Variants in AKAP6 observed in about 807,000 individuals in gnomAD.
AKAP6 encodes the protein A-kinase anchor protein 6.
Under a neutral mutation model 188.5 loss-of-function variants are expected in AKAP6, and 58 were observed. That is an observed-to-expected ratio of 0.31 (90% CI 0.25 to 0.38). AKAP6 has a LOEUF of 0.38. AKAP6 is among the 10% of genes least tolerant of loss of function. AKAP6 has a pLI of 1.00. For synonymous variants in AKAP6, 989 were observed against 998.6 expected (o/e 0.99, Z 0.18); for missense variants, 2,710 against 2,740.0 (o/e 0.99, Z 0.24).
intron 2 of AKAP6, among the ~76,000 whole-genome samples, chr14:32,441,682 G>C (rs1417961596): frequency 6.6e-6 from 1 of 152,154 alleles, no homozygotes; most frequent in South Asian, 2.1e-4. Flanking sequence ...GGCTATACAT[G>C]AACCTTAGCC....
At chr14:32,532,579 G>A (rs190041352) in intron 2 of AKAP6, among the ~76,000 whole-genome samples, 100 of 152,302 alleles carry the variant, frequency 6.6e-4, no homozygotes, top group Admixed American at 2.5e-3. Flanking sequence ...TGATGCTTTC[G>A]TGGTGCCAAG....
intron 7 of AKAP6, among the ~76,000 whole-genome samples, chr14:32,625,782 C>G (rs1349841145): frequency 6.6e-6 from 1 of 152,082 alleles, no homozygotes; most frequent in East Asian, 1.9e-4. Flanking sequence ...TGGAACATTT[C>G]TCTTTCTGCT....
chr14:32,581,624 A>G (rs1342813714), intron 5 of AKAP6, among the ~76,000 whole-genome samples: 1 of 152,052 alleles, frequency 6.6e-6, no homozygotes. Flanking sequence ...ATTGTGTGGG[A>G]ATCTAAGTCT....
At chr14:32,745,340 C>T (rs1355547553) in intron 11 of AKAP6, among the ~76,000 whole-genome samples, 1 of 152,138 alleles carries the variant, frequency 6.6e-6, no homozygotes, top group Non-Finnish European at 1.5e-5. Context: ...TGCTGTAGTT[C>T]TTGCAGACTC....
intron 1 of AKAP6, among the ~76,000 whole-genome samples, chr14:32,343,036 G>A (rs1227017302): frequency 6.6e-6 from 1 of 152,130 alleles, no homozygotes; most frequent in Non-Finnish European, 1.5e-5. Context: ...TTCCCGTTGA[G>A]AATTTAAAAG....
chr14:32,678,487 A>AT (rs1889531899), intron 8 of AKAP6, 28 bp downstream of exon 8: 1 of 1,610,862 alleles, frequency 6.2e-7, no homozygotes, highest in South Asian at 1.1e-5. Context: ...TTGTTGTTTT[A>AT]TTCTCACTAA....
intron 12 of AKAP6, among the ~76,000 whole-genome samples, chr14:32,811,187 C>T (rs1035155579): frequency 7.1e-6 from 1 of 140,668 alleles, no homozygotes; most frequent in African/African-American, 2.7e-5. Flanking sequence ...TGCAGTGAGC[C>T]GAGATTGCGC....
intron 2 of AKAP6, among the ~76,000 whole-genome samples, chr14:32,492,219 T>C (rs1217930751): frequency 6.6e-6 from 1 of 151,846 alleles, no homozygotes; most frequent in Non-Finnish European, 1.5e-5. Flanking sequence ...AGAACTCAGC[T>C]TTGCCTCACC....
chr14:32,364,339 C>T (rs1372024084), intron 1 of AKAP6, among the ~76,000 whole-genome samples: 1 of 152,154 alleles, frequency 6.6e-6, no homozygotes, highest in Non-Finnish European at 1.5e-5. Context: ...CATTTTACCA[C>T]AACCAGGACC....
chr14:32,348,332 C>G (rs1446020350), intron 1 of AKAP6, among the ~76,000 whole-genome samples: 4 of 151,836 alleles, frequency 2.6e-5, no homozygotes, highest in Non-Finnish European at 5.9e-5. Context: ...GAATCCCAAA[C>G]TGAGAATGTT....
chr14:32,696,189 T>C, intron 9 of AKAP6, 79 bp downstream of exon 9: 1 of 1,504,610 alleles, frequency 6.6e-7, no homozygotes, highest in Non-Finnish European at 8.8e-7. Flanking sequence ...TCTCTCAGGA[T>C]ATCTTTTCGT....
intron 1 of AKAP6, among the ~76,000 whole-genome samples, chr14:32,337,696 A>G (rs959698761): frequency 2.0e-5 from 3 of 151,956 alleles, no homozygotes; most frequent in Middle Eastern, 3.4e-3. Context: ...AGCATTAGGT[A>G]TATCTCCTAA....
intron 1 of AKAP6, among the ~76,000 whole-genome samples, chr14:32,388,269 A>C (rs1165150741): frequency 6.6e-6 from 1 of 151,808 alleles, no homozygotes; most frequent in Non-Finnish European, 1.5e-5. Context: ...ATGGTCTATT[A>C]ATTTTATTTG....
chr14:32,424,750 A>G (rs1166703009), intron 1 of AKAP6, among the ~76,000 whole-genome samples: 1 of 152,062 alleles, frequency 6.6e-6, no homozygotes, highest in Non-Finnish European at 1.5e-5. Flanking sequence ...GAGAACATGC[A>G]GTATTTGGTT....
intron 5 of AKAP6, among the ~76,000 whole-genome samples, chr14:32,596,467 G>A (rs1885709471): frequency 6.6e-6 from 1 of 152,132 alleles, no homozygotes; most frequent in Non-Finnish European, 1.5e-5. Flanking sequence ...TGATAATCCT[G>A]TGCTTGTTTC....
chr14:32,528,768 C>T (rs1218835909), intron 2 of AKAP6, among the ~76,000 whole-genome samples: 1 of 152,124 alleles, frequency 6.6e-6, no homozygotes. Flanking sequence ...ACCTCTGCCT[C>T]TTGGGTTCAA....
At chr14:32,434,937 G>T (rs562611345) in intron 2 of AKAP6, among the ~76,000 whole-genome samples, 7 of 152,162 alleles carry the variant, frequency 4.6e-5, no homozygotes, top group African/African-American at 1.7e-4. Context: ...AGGTTGAGCA[G>T]GTCTAGTGTC....
chr14:32,776,977 T>C (rs1369556590), intron 12 of AKAP6, among the ~76,000 whole-genome samples: 1 of 152,104 alleles, frequency 6.6e-6, no homozygotes, highest in Non-Finnish European at 1.5e-5. Flanking sequence ...CTGAAAGGAT[T>C]AGAGGGAACA....
In AKAP6 at chr14:32,523,388, G is replaced by A. The variant is rs544321686; in HGVS notation, c.325-12166G>A. 9.9e-5 allele frequency among the ~76,000 whole-genome samples: 15 copies of A among 151,714 alleles called. No individual in the cohort carries two copies. In the East Asian group the frequency reaches 1.2e-3, roughly 12 times the overall value. On this transcript the variant is annotated intron_variant, in intron 2 of 13. Transcript: ENST00000280979. The stretch of plus-strand genomic sequence containing the variant: ...CAATACATTAACAGATCTAGGCACC[G>A]CTGACCAGCAATTACTAAAATAGTT...
Sources: allele counts gnomAD v4.1 joint callset (sites outside exome capture counted in the v4.1 genomes callset), GRCh38; gene constraint gnomAD v4.1.1; transcripts MANE v1.5; gene names NCBI Gene and HGNC (gene_info 2026-07-23, HGNC 2026-07-21).